The following DOCK1 variants were observed in gnomAD, a reference collection of about 807,000 sequenced individuals.
The protein encoded by DOCK1 is dedicator of cytokinesis 1.
Under a neutral mutation model 262.7 loss-of-function variants are expected in DOCK1, and 138 were observed. That is an observed-to-expected ratio of 0.53 (90% CI 0.46 to 0.61). DOCK1 has a LOEUF of 0.61. Ranked by LOEUF, DOCK1 falls within the 20% of genes least tolerant of loss-of-function variation. DOCK1 has a pLI of 0.00. For synonymous variants in DOCK1, 866 were observed against 867.4 expected (o/e 1.00, Z 0.03); for missense variants, 1,908 against 2,370.7 (o/e 0.80, Z 4.05).
At chr10:127,071,137 G>A (rs2046208976) in intron 23 of DOCK1, among the ~76,000 whole-genome samples, 1 of 152,148 alleles carries the variant, frequency 6.6e-6, no homozygotes, top group African/African-American at 2.4e-5. Context: ...TGCTCTTAGA[G>A]GACCTGTGGG....
At chr10:127,051,915 A>G (rs1430349128) in intron 21 of DOCK1, among the ~76,000 whole-genome samples, 1 of 152,144 alleles carries the variant, frequency 6.6e-6, no homozygotes, top group Non-Finnish European at 1.5e-5. Context: ...CAATGTTGAG[A>G]AAATCGTCAC....
intron 1 of DOCK1, among the ~76,000 whole-genome samples, chr10:126,906,738 G>C (rs970912028): frequency 6.6e-6 from 1 of 152,180 alleles, no homozygotes; most frequent in African/African-American, 2.4e-5. Flanking sequence ...TTTGGGAAGC[G>C]CCCTGGCAGC....
At chr10:126,926,355 G>T (rs1381379679) in intron 1 of DOCK1, among the ~76,000 whole-genome samples, 1 of 151,712 alleles carries the variant, frequency 6.6e-6, no homozygotes, top group Admixed American at 6.6e-5. Context: ...ACAAACGTCA[G>T]TGTGAATTGA....
rs11016702 is a variant in DOCK1, at chr10:127,190,681, C to G, written c.2848-57327C>G. 1.8e-4 allele frequency among the ~76,000 whole-genome samples: 12 copies of G among 65,680 alleles called. 3 individuals are homozygous for G. The highest frequency in any genetic ancestry group is 2.9e-4 in the Admixed American group (2 of 6,994). 43.1% of individuals were successfully genotyped at this position (65,680 alleles called of 152,430 possible). ...ATCCTATCTTCCCCCCCCCCCCCCCCCCGTTCCTGCTGGCTCCCAGATTTC... is the reference window on the plus strand; with the variant it reads ...ATCCTATCTTCCCCCCCCCCCCCCCGCCGTTCCTGCTGGCTCCCAGATTTC... On this transcript the variant is annotated intron_variant, in intron 27 of 51. Coordinates refer to ENST00000623213, the MANE Select transcript of DOCK1 (RefSeq NM_001290223.2).
intron 1 of DOCK1, among the ~76,000 whole-genome samples, chr10:126,942,428 C>A (rs1192763121): frequency 6.6e-6 from 1 of 152,076 alleles, no homozygotes; most frequent in East Asian, 1.9e-4. Context: ...GGGTGAAGCT[C>A]ACTTTTAGTT....
At chr10:127,293,839 A>G (rs1265253419) in intron 29 of DOCK1, among the ~76,000 whole-genome samples, 3 of 152,248 alleles carry the variant, frequency 2.0e-5, no homozygotes, top group Non-Finnish European at 2.9e-5. Flanking sequence ...AAGACTCTTC[A>G]TTGTAAAAAG....
In DOCK1 at chr10:127,313,543, T is replaced by A. The variant is rs374909664; in HGVS notation, c.3045-25463T>A. ...ATCAATGAGCTGATTTCTTATTCTC[T>A]GATATTGTTGTGGGCTTGCTTTAGA... On this transcript the variant is annotated intron_variant, in intron 29 of 51. Coordinates refer to ENST00000623213, the MANE Select transcript of DOCK1 (RefSeq NM_001290223.2). Among the ~76,000 whole-genome samples the A allele has an allele frequency of 5.5e-4, 84 of 152,316 alleles. 3 individuals carry two copies. The South Asian group carries it at 0.017, about 31-fold the overall frequency.
chr10:127,188,948 G>C (rs2056518217), intron 27 of DOCK1, among the ~76,000 whole-genome samples: 1 of 152,212 alleles, frequency 6.6e-6, no homozygotes, highest in Non-Finnish European at 1.5e-5. Flanking sequence ...AGGACAGCCT[G>C]GCCTGGAGCC....
intron 3 of DOCK1, among the ~76,000 whole-genome samples, chr10:126,980,127 G>A (rs145933120): frequency 4.0e-3 from 610 of 152,174 alleles, no homozygotes; most frequent in Non-Finnish European, 6.8e-3. Flanking sequence ...GAGGTGTCCC[G>A]GATAACCAGG....
chr10:127,388,564 A>G (rs1183074263), intron 38 of DOCK1, among the ~76,000 whole-genome samples: 3 of 152,232 alleles, frequency 2.0e-5, no homozygotes, highest in African/African-American at 7.2e-5. Flanking sequence ...GATGGCCTGC[A>G]CTAGAGTTTG....
At chr10:127,320,568 G>C (rs2062476055) in intron 29 of DOCK1, among the ~76,000 whole-genome samples, 1 of 152,182 alleles carries the variant, frequency 6.6e-6, no homozygotes, top group South Asian at 2.1e-4. Flanking sequence ...TGTGAGGAAT[G>C]GGCTCAAGGC....
chr10:127,348,684 C>T (rs2063752484), intron 31 of DOCK1, among the ~76,000 whole-genome samples: 3 of 152,030 alleles, frequency 2.0e-5, no homozygotes, highest in Non-Finnish European at 2.9e-5. Flanking sequence ...TTATAGAAGT[C>T]TGCAGTGTTC....
chr10:127,339,644 T>A (rs886819865), intron 30 of DOCK1, among the ~76,000 whole-genome samples: 1 of 150,006 alleles, frequency 6.7e-6, no homozygotes, highest in Admixed American at 6.7e-5. Context: ...TGTGTGTGTG[T>A]GTGTGCGCGC....
intron 31 of DOCK1, 133 bp downstream of exon 31, chr10:127,343,879 T>C: frequency 1.4e-6 from 1 of 738,298 alleles, no homozygotes; most frequent in Non-Finnish European, 2.2e-6. Flanking sequence ...TGGTTTTAAA[T>C]CACCAATCAG....
At chr10:127,397,040 C>T (rs376093828) in intron 38 of DOCK1, among the ~76,000 whole-genome samples, 1,129 of 43,474 alleles carry the variant, frequency 0.026, 5 homozygotes, top group Middle Eastern at 0.071. Context: ...ACACGGGCGG[C>T]GACTCCTATG....
intron 29 of DOCK1, among the ~76,000 whole-genome samples, chr10:127,319,968 C>G (rs2062446965): frequency 6.6e-6 from 1 of 152,112 alleles, no homozygotes; most frequent in African/African-American, 2.4e-5. Flanking sequence ...TTAAAGCAAC[C>G]CATGAGGTGG....
At chr10:126,926,040 C>A (rs1446048463) in intron 1 of DOCK1, among the ~76,000 whole-genome samples, 1 of 152,032 alleles carries the variant, frequency 6.6e-6, no homozygotes, top group East Asian at 1.9e-4. Context: ...CTCTGAGCCT[C>A]AGTTTGCACA....
intron 23 of DOCK1, among the ~76,000 whole-genome samples, chr10:127,064,463 C>T (rs2045730297): frequency 6.6e-6 from 1 of 152,192 alleles, no homozygotes; most frequent in African/African-American, 2.4e-5. Flanking sequence ...TTCAACAGGA[C>T]TGTTTTCATT....
intron 1 of DOCK1, among the ~76,000 whole-genome samples, chr10:126,914,079 T>C (rs2032189496): frequency 6.6e-6 from 1 of 152,202 alleles, no homozygotes; most frequent in African/African-American, 2.4e-5. Context: ...TGGGACTGAA[T>C]CTCTAGCTTA....
Sources: gnomAD v4.1 joint callset for allele counts (sites outside exome capture counted in the v4.1 genomes callset) on GRCh38, gnomAD v4.1.1 for gene constraint, MANE v1.5 for transcripts, NCBI Gene and HGNC (gene_info 2026-07-23, HGNC 2026-07-21) for gene names.